Variants in INTU observed in about 807,000 individuals in gnomAD.
INTU encodes the protein inturned planar cell polarity protein, also known as protein inturned.
INTU carries 68 observed loss-of-function variants against 100.5 expected under a neutral mutation model. The ratio of observed to expected loss-of-function variants is 0.68; its 90% confidence interval spans 0.56 to 0.83. INTU has a LOEUF of 0.83. Among genes scored for constraint, INTU ranks in the 40% least tolerant of loss-of-function variants. INTU has a pLI of 0.00. For synonymous variants in INTU, 357 were observed against 395.7 expected, an observed-to-expected ratio of 0.90 and a Z score of 1.16; for missense variants, 1,071 against 1,114.7, an observed-to-expected ratio of 0.96 and a Z score of 0.56.
chr4:127,685,392 T>C (rs1214415822), intron 7 of INTU: 1 of 453,586 alleles, frequency 2.2e-6, no homozygotes, highest in East Asian at 7.0e-5. Context: ...CATAGTGATA[T>C]CAGCTCTCTG....
chr4:127,659,504 A>G (rs1728379005), intron 3 of INTU, among the ~76,000 whole-genome samples: 1 of 152,218 alleles, frequency 6.6e-6, no homozygotes, highest in South Asian at 2.1e-4. Flanking sequence ...ATGTTGATTT[A>G]AAGAAGAGGT....
At chr4:127,648,061 T>C (rs1291680555) in intron 2 of INTU, among the ~76,000 whole-genome samples, 5 of 152,224 alleles carry the variant, frequency 3.3e-5, no homozygotes, top group Admixed American at 2.0e-4. Flanking sequence ...AATATTTTAT[T>C]TGGTTCTTAA....
chr4:127,636,613 C>CAAAAAA (rs770388771), intron 1 of INTU, among the ~76,000 whole-genome samples: 1 of 85,508 alleles, frequency 1.2e-5, no homozygotes, highest in Non-Finnish European at 2.6e-5. Context: ...CACACCATCT[C>CAAAAAA]AAAAAAAAAA....
intron 12 of INTU, among the ~76,000 whole-genome samples, chr4:127,708,169 G>A (rs1730964847): frequency 6.6e-6 from 1 of 152,164 alleles, no homozygotes; most frequent in South Asian, 2.1e-4. Flanking sequence ...GAGAAATTGA[G>A]TTAACCTTTA....
rs147871621 is a variant in INTU at position 127,706,692 on chromosome 4, G to T, written c.1994G>T (p.Arg665Leu). Residue 665 changes from arginine to leucine, a missense_variant, in exon 12 of 16, where the codon CGT (arginine) becomes CTT (leucine). By Grantham distance (102) the Arg-to-Leu change is moderately radical. Coordinates refer to ENST00000335251, the MANE Select transcript of INTU (RefSeq NM_015693.4). ...SCADWFLTGSREKTDSLTTSP... is the reference protein window; with the variant it reads ...SCADWFLTGSLEKTDSLTTSP... ...GCTGACTGGTTCCTTACTGGATCAC[G>T]TGAAAAAACAGATAGCTTGACCACT... 1.9e-5 allele frequency: 31 copies of T among 1,614,068 alleles called. No homozygotes were observed. Among genetic ancestry groups the T allele is most frequent in the Non-Finnish European group, 2.6e-5 (31 of 1,179,970 alleles).
intron 6 of INTU, among the ~76,000 whole-genome samples, chr4:127,682,259 T>C (rs1729603243): frequency 6.6e-6 from 1 of 152,116 alleles, no homozygotes; most frequent in Admixed American, 6.5e-5. Context: ...ACTGGGTATA[T>C]GCCCAAAGGA....
chr4:127,701,094 G>A (rs73847045), intron 9 of INTU, among the ~76,000 whole-genome samples: 47 of 152,164 alleles, frequency 3.1e-4, no homozygotes, highest in Middle Eastern at 3.4e-3. Flanking sequence ...TGTTCCTGAT[G>A]GAAGCACACA....
chr4:127,675,953 C>T (rs1357125900), intron 6 of INTU: 2 of 300,866 alleles, frequency 6.6e-6, no homozygotes, highest in African/African-American at 4.4e-5. Context: ...GGAATTAAGC[C>T]TCACTTCTTG....
chr4:127,674,379 A>G (rs1367918048), intron 6 of INTU, among the ~76,000 whole-genome samples, 166 bp downstream of exon 6: 1 of 152,242 alleles, frequency 6.6e-6, no homozygotes, highest in African/African-American at 2.4e-5. Flanking sequence ...TGGTATGAAT[A>G]ATGCAGAAAG....
chr4:127,708,818 C>A, intron 13 of INTU, 150 bp downstream of exon 13: 1 of 516,128 alleles, frequency 1.9e-6, no homozygotes, highest in Non-Finnish European at 3.5e-6. Context: ...TTTAATATTT[C>A]ATTACACATT....
chr4:127,637,837 C>T (rs1727141501), intron 1 of INTU, among the ~76,000 whole-genome samples: 1 of 152,108 alleles, frequency 6.6e-6, no homozygotes, highest in African/African-American at 2.4e-5. Flanking sequence ...GGAAATGTGA[C>T]CCGGGGAATG....
chr4:127,699,185 T>A (rs1246012648), intron 8 of INTU: 1 of 152,216 alleles, frequency 6.6e-6, no homozygotes, highest in Non-Finnish European at 1.5e-5. Context: ...AAGGGATTCT[T>A]ATTCACAAAT....
At chr4:127,707,148 G>T (rs914438097) in intron 12 of INTU, among the ~76,000 whole-genome samples, 179 bp downstream of exon 12, 1 of 152,022 alleles carries the variant, frequency 6.6e-6, no homozygotes, top group Non-Finnish European at 1.5e-5. Context: ...TATCAGGCCA[G>T]GTGTGGCAGA....
Position 127,723,042 on chromosome 4 carries a change from G to A in INTU, c.*6606G>A, listed in dbSNP as rs1304912829. ...CACCCAAGCAGAGATTTGTGCTTGG[G>A]ACCCAAAGCTCTGGTAGCATTGGCT... On this transcript the variant is annotated 3_prime_UTR_variant, in exon 16 of 16. Coordinates refer to ENST00000335251, the MANE Select transcript of INTU (RefSeq NM_015693.4). The A allele has an allele frequency of 6.6e-6, 1 of 152,144 alleles. No homozygotes were observed. Among genetic ancestry groups the A allele is most frequent in the African/African-American group, 2.4e-5 (1 of 41,424 alleles). The allele number at this position is 152,144 out of a possible 1,614,324, so 9.4% of individuals were successfully genotyped here.
Position 127,726,698 on chromosome 4 carries a change from T to A in INTU, c.*10262T>A, listed in dbSNP as rs1379367604. The A allele has an allele frequency of 6.6e-6, 1 of 152,242 alleles. No homozygotes were observed. The highest frequency in any genetic ancestry group is 6.5e-5 in the Admixed American group (1 of 15,280). The allele number at this position is 152,242 out of a possible 1,614,324, so 9.4% of individuals were successfully genotyped here. A position where few individuals can be genotyped will look rare whatever the true frequency, so the allele number is the denominator to read the frequency against. ...AATTAAAGCTACTTTTATACTATAT[T>A]GATAGTTTTAAATAAAACTGGTTTG... On this transcript the variant is annotated 3_prime_UTR_variant, in exon 16 of 16. Coordinates refer to ENST00000335251, the MANE Select transcript of INTU (RefSeq NM_015693.4).
chr4:127,689,945 G>T (rs868155891), intron 8 of INTU, among the ~76,000 whole-genome samples: 1 of 152,116 alleles, frequency 6.6e-6, no homozygotes, highest in African/African-American at 2.4e-5. Context: ...GTACCATCTC[G>T]TGAGGCTTGC....
At chr4:127,688,980 T>C (rs1455744271) in intron 8 of INTU, among the ~76,000 whole-genome samples, 1 of 136,060 alleles carries the variant, frequency 7.3e-6, no homozygotes, top group African/African-American at 2.8e-5. Context: ...TCTTTTTTTT[T>C]TTTTTTTTTT....
rs1444236527 is a variant in INTU, at chr4:127,632,963, A to G, written c.-72A>G. 1 of 1,497,266 alleles carries G rather than the reference A, an allele frequency of 6.7e-7. No individual in the cohort carries two copies. Among genetic ancestry groups the G allele is most frequent in the African/African-American group, 1.4e-5 (1 of 72,678 alleles). The allele number at this position is 1,497,266 out of a possible 1,614,324, so 92.7% of individuals were successfully genotyped here. A position where few individuals can be genotyped will look rare whatever the true frequency, so the allele number is the denominator to read the frequency against. ...CCTCTGCCCCTTCCCAAGCAGAGGCAACATGGCGGCCTTAGCAAGCTATAG... is the reference window on the plus strand; with the variant it reads ...CCTCTGCCCCTTCCCAAGCAGAGGCGACATGGCGGCCTTAGCAAGCTATAG... On this transcript the variant is annotated 5_prime_UTR_variant, in exon 1 of 16. Coordinates refer to ENST00000335251, the MANE Select transcript of INTU (RefSeq NM_015693.4).
chr4:127,650,938 T>C (rs563217039), intron 2 of INTU, among the ~76,000 whole-genome samples: 222 of 152,362 alleles, frequency 1.5e-3, no homozygotes, highest in African/African-American at 5.0e-3. Flanking sequence ...TGGTATCTCA[T>C]TGTGGTTTTG....
Sources: gnomAD v4.1 joint callset for allele counts (sites outside exome capture counted in the v4.1 genomes callset) on GRCh38, gnomAD v4.1.1 for gene constraint, MANE v1.5 for transcripts, NCBI Gene and HGNC (gene_info 2026-07-23, HGNC 2026-07-21) for gene names.